EGF: variants seen among roughly 807,000 people sequenced by gnomAD.
EGF encodes the protein epidermal growth factor, also known as pro-epidermal growth factor.
EGF carries 95 observed loss-of-function variants against 143.8 expected under a neutral mutation model. The ratio of observed to expected loss-of-function variants is 0.66; its 90% CI spans 0.56 to 0.78. The LOEUF is 0.78. Ranked by LOEUF, EGF falls within the 30% of genes least tolerant of loss-of-function variation. The pLI is 0.00. For missense variants in EGF, 1,320 were observed against 1,470.9 expected (o/e 0.90, Z 1.68); for synonymous variants, 510 against 510.5 (o/e 1.00, Z 0.01).
At chr4:110,007,118 T>C (rs1474872058) in intron 22 of EGF, among the ~76,000 whole-genome samples, 1 of 152,246 alleles carries the variant, frequency 6.6e-6, no homozygotes, top group African/African-American at 2.4e-5. Flanking sequence ...AGATGAAGCA[T>C]GATTTGTATT....
chr4:109,942,852 G>T (rs11568894), intron 2 of EGF, among the ~76,000 whole-genome samples: 1,552 of 152,276 alleles, frequency 0.01, 27 homozygotes, highest in African/African-American at 0.035. Context: ...AGGAAATCTT[G>T]CATAGCTTGG....
chr4:110,011,909 T>C lies in EGF; in HGVS notation c.*454T>C. 1 of 202,194 alleles carries C rather than the reference T, an allele frequency of 4.9e-6. No individual in the cohort carries two copies. The highest frequency in any genetic ancestry group is 1.0e-5 in the Non-Finnish European group (1 of 98,464). 12.5% of individuals were successfully genotyped at this position (202,194 alleles called of 1,614,324 possible). On this transcript the variant is annotated 3_prime_UTR_variant, in exon 24 of 24. Transcript: ENST00000265171. ...TTGGAATATTACAATACCGTTAAGA[T>C]ACAGTGTAGGCATTTAACTCCTCAT... is the stretch of plus-strand genomic sequence containing the variant.
chr4:109,974,092 T>C (rs1748096032), intron 11 of EGF, among the ~76,000 whole-genome samples: 1 of 152,240 alleles, frequency 6.6e-6, no homozygotes, highest in Non-Finnish European at 1.5e-5. Context: ...GAGGTATAAG[T>C]AATCTAGAGA....
chr4:109,961,125 G>C (rs561912968), intron 7 of EGF, 136 bp downstream of exon 7: 1 of 1,046,356 alleles, frequency 9.6e-7, no homozygotes, highest in South Asian at 1.4e-5. Context: ...ATTTTGTTTG[G>C]CTTTTTAAAA....
chr4:109,994,818 TG>T lies in EGF; in HGVS notation c.2946del (p.Tyr983ThrfsTer35). On this transcript the variant is annotated frameshift_variant, in exon 20 of 24. Coordinates refer to ENST00000265171, the MANE Select transcript of EGF (RefSeq NM_001963.6). LOFTEE classifies it high-confidence loss of function. ...SDSECPLSHD[G>X]YCLHDGVCMY... is the part of the protein sequence containing the mutation. ...ACTCTGAATGTCCCCTGTCCCACGATGGGTACTGCCTCCATGATGGTGTGTG... is the reference window on the plus strand; with the variant it reads ...ACTCTGAATGTCCCCTGTCCCACGATGGTACTGCCTCCATGATGGTGTGTG... The T allele has an allele frequency of 6.2e-7, 1 of 1,614,182 alleles. No individual in the cohort carries two copies. The highest frequency in any genetic ancestry group is 8.5e-7 in the Non-Finnish European group (1 of 1,180,002).
chr4:109,960,801 T>C, intron 6 of EGF, 66 bp from the exon 7 acceptor site: 5 of 1,597,206 alleles, frequency 3.1e-6, no homozygotes, highest in Non-Finnish European at 4.3e-6. Context: ...GATGACTTAT[T>C]AGTGATAGCA....
At chr4:109,957,926 T>C (rs1282624421) in intron 5 of EGF, among the ~76,000 whole-genome samples, 1 of 152,246 alleles carries the variant, frequency 6.6e-6, no homozygotes, top group East Asian at 1.9e-4. Flanking sequence ...CTTGCTACTG[T>C]ATTTCTCATA....
chr4:109,929,701 T>C (rs1438277730), intron 1 of EGF, among the ~76,000 whole-genome samples: 1 of 150,338 alleles, frequency 6.7e-6, no homozygotes, highest in Non-Finnish European at 1.5e-5. Flanking sequence ...TGAAGCAAAA[T>C]GAGTTCCAGA....
At chr4:109,941,627 G>A (rs1391685356) in intron 2 of EGF, among the ~76,000 whole-genome samples, 1 of 152,098 alleles carries the variant, frequency 6.6e-6, no homozygotes, top group East Asian at 1.9e-4. Context: ...ACACTGTGCA[G>A]AACAGCCCCA....
chr4:109,925,553 T>G (rs1738484545), intron 1 of EGF, among the ~76,000 whole-genome samples: 1 of 152,214 alleles, frequency 6.6e-6, no homozygotes, highest in South Asian at 2.1e-4. Context: ...AGTCATGTGC[T>G]GAAGGCCACA....
At chr4:109,976,408 C>T (rs535349176) in intron 13 of EGF, among the ~76,000 whole-genome samples, 173 bp downstream of exon 13, 5 of 152,254 alleles carry the variant, frequency 3.3e-5, no homozygotes, top group South Asian at 2.1e-4. Context: ...CATTGGAATA[C>T]GGGGTAAAAA....
chr4:109,986,706 G>A (rs1750170671), intron 16 of EGF, among the ~76,000 whole-genome samples: 1 of 151,824 alleles, frequency 6.6e-6, no homozygotes, highest in Admixed American at 6.6e-5. Flanking sequence ...AAAAGGTAGG[G>A]CAGAGTGGCA....
At position 109,976,166 on chromosome 4, in the gene EGF, A is replaced by G; in HGVS notation, c.1984A>G (p.Lys662Glu). 1 of 1,614,148 alleles carries G rather than the reference A, an allele frequency of 6.2e-7. No homozygotes were observed. The highest frequency in any genetic ancestry group is 8.5e-7 in the Non-Finnish European group (1 of 1,180,008). Residue 662 changes from lysine (K) to glutamate (E), a missense_variant, in exon 13 of 24, where the codon AAG becomes GAG. Around this residue, in one of 5 missense-constraint regions of EGF, gnomAD observed 1,186 missense variants for 1,313.7 expected, o/e 0.90. Coordinates refer to ENST00000265171, the MANE Select transcript of EGF (RefSeq NM_001963.6). ...TGACAAGTTGTACTGGTGCGATGCC[A>G]AGCAGTCTGTGATTGAAATGGCCAA... ...LTDKLYWCDA[K>E]QSVIEMANLD...
Position 109,993,318 on chromosome 4 carries a change from T to C in EGF, c.2806T>C (p.Tyr936His), listed in dbSNP as rs765299912. The C allele has an allele frequency of 1.9e-6, 3 of 1,613,852 alleles. No individual in the cohort carries two copies. Among genetic ancestry groups the C allele is most frequent in the South Asian group, 2.2e-5 (2 of 91,068 alleles). The change falls in exon 19 of 24, where the codon TAT becomes CAT. Residue 936 changes from tyrosine to histidine, a missense_variant. Tyr to His is a moderately conservative substitution (Grantham distance 83, BLOSUM62 2). Around this residue, in one of 5 missense-constraint regions of EGF, gnomAD observed 1,186 missense variants for 1,313.7 expected, o/e 0.90. Transcript: ENST00000265171. Reference sequence around the variant, plus strand: ...CAGCTGCACAAATACAGAGGGAGGCTATACCTGCATGTGTGCTGGACGCCT... The same window carrying C: ...CAGCTGCACAAATACAGAGGGAGGCCATACCTGCATGTGTGCTGGACGCCT... ...NASCTNTEGG[Y>H]TCMCAGRLSE...
rs1025291070 is a variant in EGF at position 109,982,517 on chromosome 4, A to G, written c.2372-905A>G. On this transcript the variant is annotated intron_variant, in intron 15 of 23. Coordinates refer to ENST00000265171, the MANE Select transcript of EGF (RefSeq NM_001963.6). The stretch of plus-strand genomic sequence containing the variant: ...TGATTTTTGTATTTTTAGTAGAGAC[A>G]GGGTTTCACCATGTTGGCCAGGCTG... Among the ~76,000 whole-genome samples the G allele has an allele frequency of 6.6e-5, 10 of 151,968 alleles. 1 individual carries two copies. In the South Asian group the frequency reaches 2.1e-3, roughly 32 times the overall value.
chr4:109,990,372 T>C (rs1750764741), intron 18 of EGF, among the ~76,000 whole-genome samples: 1 of 152,128 alleles, frequency 6.6e-6, no homozygotes, highest in Non-Finnish European at 1.5e-5. Flanking sequence ...GAGAAATATT[T>C]GTTTGAGGTA....
chr4:109,927,495 C>A (rs916905975), intron 1 of EGF, among the ~76,000 whole-genome samples: 1 of 151,940 alleles, frequency 6.6e-6, no homozygotes, highest in African/African-American at 2.4e-5. Flanking sequence ...GAGGCCGAGG[C>A]AGGCGGATCA....
intron 11 of EGF, among the ~76,000 whole-genome samples, chr4:109,972,046 A>AT (rs1230708611): frequency 6.8e-6 from 1 of 146,346 alleles, no homozygotes; most frequent in Non-Finnish European, 1.5e-5. Flanking sequence ...AATATGAGGT[A>AT]AAAAAAAAAA....
intron 9 of EGF, 63 bp downstream of exon 9, chr4:109,963,361 A>G: frequency 1.2e-6 from 2 of 1,607,748 alleles, no homozygotes; most frequent in Non-Finnish European, 1.7e-6. Context: ...TCTTTTGTTT[A>G]GAAAGATGGA....
Sources: allele counts gnomAD v4.1 joint callset (sites outside exome capture counted in the v4.1 genomes callset), GRCh38; gene constraint gnomAD v4.1.1; regional missense constraint gnomAD v4.1.1; transcripts MANE v1.5; gene names NCBI Gene and HGNC (gene_info 2026-07-23, HGNC 2026-07-21).